Variants in LEPR observed in about 807,000 individuals in gnomAD.
LEPR encodes the protein leptin receptor, also known as OB receptor.
Under a neutral mutation model 114.7 loss-of-function variants are expected in LEPR, and 56 were observed. That is an observed-to-expected ratio of 0.49 (90% CI 0.39 to 0.61). The LOEUF is 0.61. LEPR is among the 20% of genes least tolerant of loss of function. LEPR has a pLI of 0.00. For synonymous variants in LEPR, 443 were observed against 461.4 expected, an observed-to-expected ratio of 0.96 and a Z score of 0.51; for missense variants, 1,202 against 1,352.9, an observed-to-expected ratio of 0.89 and a Z score of 1.75.
At chr1:65,430,846 T>A (rs1487480284) in intron 2 of LEPR, among the ~76,000 whole-genome samples, 3 of 152,136 alleles carry the variant, frequency 2.0e-5, no homozygotes, top group African/African-American at 7.2e-5. Flanking sequence ...ATGATCAGAA[T>A]GCCATAGGGG....
Position 65,636,776 on chromosome 1 carries a change from A to G in LEPR, c.3259A>G (p.Lys1087Glu). Residue 1087 changes from lysine (K) to glutamate (E), a missense_variant, in exon 20 of 20, where the codon AAG (lysine) becomes GAG (glutamate). Lys to Glu is a moderately conservative substitution (Grantham distance 56). Transcript: ENST00000349533. ...TTATTTAGGGGTCACCTCAATCAAAAAGAGAGAGAGTGGTGTGCTTTTGAC... is the reference window on the plus strand; with the variant it reads ...TTATTTAGGGGTCACCTCAATCAAAGAGAGAGAGAGTGGTGTGCTTTTGAC... The part of the protein sequence containing the change: ...IYYLGVTSIK[K>E]RESGVLLTDK... The G allele has an allele frequency of 6.2e-7, 1 of 1,614,042 alleles. No individual in the cohort carries two copies. Among genetic ancestry groups the G allele is most frequent in the Admixed American group, 1.7e-5 (1 of 59,966 alleles).
chr1:65,598,517 GTTTGT>G, intron 7 of LEPR, 138 bp from the exon 8 acceptor site: 1 of 1,247,004 alleles, frequency 8.0e-7, no homozygotes, highest in Non-Finnish European at 1.1e-6. Context: ...GGTTATTGAT[GTTTGT>G]TTTAATTCCG....
chr1:65,533,373 C>T (rs1052108665), intron 2 of LEPR, among the ~76,000 whole-genome samples: 2 of 152,016 alleles, frequency 1.3e-5, no homozygotes, highest in Admixed American at 1.3e-4. Flanking sequence ...TATGGAAAGT[C>T]AAAACCCAAA....
At chr1:65,479,016 G>C (rs575441230) in intron 2 of LEPR, among the ~76,000 whole-genome samples, 1 of 152,322 alleles carries the variant, frequency 6.6e-6, no homozygotes, top group African/African-American at 2.4e-5. Flanking sequence ...CGTTTTGCAG[G>C]ATTCAGAAAG....
intron 2 of LEPR, among the ~76,000 whole-genome samples, chr1:65,505,799 T>C (rs1472509392): frequency 6.6e-6 from 1 of 152,024 alleles, no homozygotes; most frequent in Non-Finnish European, 1.5e-5. Context: ...AAATTGTCTC[T>C]TTACTGAAAT....
chr1:65,485,037 C>T (rs1170234184), intron 2 of LEPR, among the ~76,000 whole-genome samples: 1 of 152,120 alleles, frequency 6.6e-6, no homozygotes. Flanking sequence ...GTAAAGATGC[C>T]AGGCAGAGAG....
At chr1:65,603,674 A>T (rs1656609325) in intron 10 of LEPR, among the ~76,000 whole-genome samples, 1 of 150,386 alleles carries the variant, frequency 6.6e-6, no homozygotes, top group Non-Finnish European at 1.5e-5. Context: ...GTCTGAAAAC[A>T]TTAGGAGATT....
intron 1 of LEPR, chr1:65,421,217 C>T (rs1646243238): frequency 8.8e-7 from 1 of 1,136,504 alleles, no homozygotes; most frequent in Non-Finnish European, 1.2e-6. Flanking sequence ...TGACCGCGGG[C>T]GGGTGTCAAT....
At chr1:65,531,395 C>A (rs1239169056) in intron 2 of LEPR, among the ~76,000 whole-genome samples, 2 of 89,916 alleles carry the variant, frequency 2.2e-5, no homozygotes, top group Non-Finnish European at 4.8e-5. Flanking sequence ...GTAATATATT[C>A]TTTTTCCTTT....
chr1:65,525,749 C>G (rs1649905004), intron 2 of LEPR: 1 of 986,046 alleles, frequency 1.0e-6, no homozygotes, highest in South Asian at 4.7e-5. Context: ...CGAGCGCGCG[C>G]GACGCAGGTG....
At chr1:65,557,777 T>G (rs1652928386) in intron 2 of LEPR, among the ~76,000 whole-genome samples, 1 of 152,170 alleles carries the variant, frequency 6.6e-6, no homozygotes, top group Admixed American at 6.6e-5. Flanking sequence ...TTTGTACAGT[T>G]TAGGGTGCAT....
chr1:65,565,274 C>T (rs897542505), intron 2 of LEPR, among the ~76,000 whole-genome samples: 2 of 152,096 alleles, frequency 1.3e-5, no homozygotes, highest in Non-Finnish European at 2.9e-5. Context: ...AGTCTTATCC[C>T]GTGATACCTG....
chr1:65,566,147 A>G (rs1653736147), intron 3 of LEPR, among the ~76,000 whole-genome samples: 1 of 150,600 alleles, frequency 6.6e-6, no homozygotes, highest in Non-Finnish European at 1.5e-5. Flanking sequence ...ATAATACTGC[A>G]TTGAAACTTC....
chr1:65,583,793 G>A (rs191162275), intron 5 of LEPR, among the ~76,000 whole-genome samples: 3 of 151,974 alleles, frequency 2.0e-5, no homozygotes, highest in African/African-American at 4.8e-5. Context: ...AAACAGACCC[G>A]GAAATGACAG....
intron 2 of LEPR, among the ~76,000 whole-genome samples, chr1:65,489,762 TC>T (rs377254042): frequency 7.2e-5 from 11 of 152,258 alleles, no homozygotes; most frequent in African/African-American, 2.6e-4. Flanking sequence ...ACTCTTTACT[TC>T]AACCAAATCA....
At chr1:65,614,820 A>C (rs1327677949) in intron 14 of LEPR, among the ~76,000 whole-genome samples, 1 of 152,222 alleles carries the variant, frequency 6.6e-6, no homozygotes, top group Non-Finnish European at 1.5e-5. Context: ...AATGACATCC[A>C]GTAGTAAGAC....
In LEPR at chr1:65,639,175, C is replaced by G. The variant is rs949720757; in HGVS notation, c.*2160C>G. On this transcript the variant is annotated 3_prime_UTR_variant, in exon 20 of 20. Transcript: ENST00000349533. ...ATCTTACTTGAGTGAATTCAACAGT[C>G]CCAGGACCACTGTAGTGCTGTAGGT... is the stretch of plus-strand genomic sequence containing the variant. 1.3e-5 allele frequency: 2 copies of G among 152,118 alleles called. No homozygotes were observed. Among genetic ancestry groups the G allele is most frequent in the Non-Finnish European group, 2.9e-5 (2 of 68,018 alleles). 9.4% of individuals were successfully genotyped at this position (152,118 alleles called of 1,614,324 possible).
At chr1:65,635,518 G>A in intron 19 of LEPR, 1 of 329,372 alleles carries the variant, frequency 3.0e-6, no homozygotes, top group Non-Finnish European at 4.3e-6. Flanking sequence ...TTACCAGTTT[G>A]TGATCATCTC....
Position 65,564,631 on chromosome 1 carries a change from A to G in LEPR, c.-20-915A>G, listed in dbSNP as rs115668944. 5.1e-3 allele frequency among the ~76,000 whole-genome samples: 769 copies of G among 152,246 alleles called. 9 individuals carry two copies. The highest frequency in any genetic ancestry group is 0.018 in the African/African-American group (739 of 41,514). The stretch of plus-strand genomic sequence containing the variant: ...TTCTTTGTGGTAAAGTGTGGTTTCC[A>G]TTTTAAATTACATCTCTCAGAATAA... On this transcript the variant is annotated intron_variant, in intron 2 of 19. Coordinates refer to ENST00000349533, the MANE Select transcript of LEPR (RefSeq NM_002303.6).
Sources: gnomAD v4.1 joint callset for allele counts (sites outside exome capture counted in the v4.1 genomes callset) on GRCh38, gnomAD v4.1.1 for gene constraint, MANE v1.5 for transcripts, NCBI Gene and HGNC (gene_info 2026-07-23, HGNC 2026-07-21) for gene names.